Variants in NRXN1 observed in about 807,000 individuals in gnomAD.
NRXN1 encodes neurexin-1.
A neutral mutation model predicts 150.9 loss-of-function variants in NRXN1; 39 were observed. That is an observed-to-expected ratio of 0.26 (90% confidence interval 0.20 to 0.34). The LOEUF (loss-of-function observed/expected upper bound fraction) is 0.34. Ranked by LOEUF, NRXN1 falls within the 10% of genes least tolerant of loss-of-function variation. The probability of loss-of-function intolerance (pLI) is 1.00; values close to 1 mark genes in which losing one functional copy is unlikely to be tolerated. For missense variants in NRXN1, 1,815 were observed against 1,949.9 expected (o/e 0.93, Z 1.30); for synonymous variants, 924 against 757.0 (o/e 1.22, Z -3.62).
chr2:50,821,371 G>A (rs1351452390), intron 5 of NRXN1, among the ~76,000 whole-genome samples: 3 of 152,094 alleles, frequency 2.0e-5, no homozygotes, highest in Non-Finnish European at 4.4e-5. Context: ...TGTGGTGAAG[G>A]GAAACCAAAA....
intron 17 of NRXN1, chr2:50,312,832 A>G: frequency 2.1e-6 from 1 of 480,642 alleles, no homozygotes; most frequent in Non-Finnish European, 4.2e-6. Context: ...ACCACCCTCC[A>G]TTTCCTGATC....
At chr2:50,661,936 G>A (rs1687361478) in intron 5 of NRXN1, among the ~76,000 whole-genome samples, 1 of 152,000 alleles carries the variant, frequency 6.6e-6, no homozygotes, top group Admixed American at 6.6e-5. Context: ...GAATTGTTTG[G>A]TCTGTCCATC....
rs576740374 is a variant in NRXN1, at chr2:50,649,763, G to A, written c.833-26148C>T. ...TTACACTAGAAGGCAACTCCTTAGA[G>A]CAAGGGAATTTTGTTGACAAACTAG... On this transcript the variant is annotated intron_variant, in intron 5 of 22. Transcript: ENST00000401669. Among the ~76,000 whole-genome samples the A allele has an allele frequency of 6.9e-4, 105 of 152,132 alleles. 1 individual carries two copies. Among genetic ancestry groups the A allele is most frequent in the African/African-American group, 2.4e-3 (99 of 41,538 alleles).
At chr2:50,832,494 A>T (rs1368144982) in intron 5 of NRXN1, among the ~76,000 whole-genome samples, 1 of 152,140 alleles carries the variant, frequency 6.6e-6, no homozygotes, top group Non-Finnish European at 1.5e-5. Flanking sequence ...CTCTACTAAA[A>T]ATGTAAAAAT....
intron 10 of NRXN1, among the ~76,000 whole-genome samples, chr2:50,534,302 G>A (rs1336947611): frequency 6.6e-6 from 1 of 152,148 alleles, no homozygotes; most frequent in Admixed American, 6.6e-5. Flanking sequence ...GCAGAAGATA[G>A]GCTAGGGAAG....
Position 50,215,545 on chromosome 2 carries a change from G to C in NRXN1, c.3546+21244C>G, listed in dbSNP as rs1291237238. Reference sequence around the variant, plus strand: ...ATTGAAATCAGAAAACCTAAACTCTGATCATTGCTTATCCTTTTATTAGTC... The same window carrying C: ...ATTGAAATCAGAAAACCTAAACTCTCATCATTGCTTATCCTTTTATTAGTC... On this transcript the variant is annotated intron_variant, in intron 18 of 22. Transcript: ENST00000401669. Among the ~76,000 whole-genome samples, 3 of 151,870 alleles carry C rather than the reference G, an allele frequency of 2.0e-5. No homozygotes were observed. The South Asian group carries it at 6.2e-4, about 32-fold the overall frequency.
intron 5 of NRXN1, among the ~76,000 whole-genome samples, chr2:50,747,129 G>A (rs1224881663): frequency 1.3e-5 from 2 of 152,100 alleles, no homozygotes; most frequent in Non-Finnish European, 2.9e-5. Context: ...GCATTAGAGG[G>A]TGGGGCTTAG....
At chr2:50,365,109 C>A (rs1304937869) in intron 17 of NRXN1, among the ~76,000 whole-genome samples, 2 of 151,030 alleles carry the variant, frequency 1.3e-5, no homozygotes, top group Non-Finnish European at 3.0e-5. Context: ...ATACATGAAG[C>A]TTTTTTTTTC....
chr2:50,526,506 T>G (rs1425220082), intron 12 of NRXN1, among the ~76,000 whole-genome samples: 1 of 152,200 alleles, frequency 6.6e-6, no homozygotes, highest in Non-Finnish European at 1.5e-5. Flanking sequence ...ATATTGTTAA[T>G]TTAGTTTTTA....
At chr2:50,052,736 T>C (rs1573624238) in intron 21 of NRXN1, among the ~76,000 whole-genome samples, 1 of 152,170 alleles carries the variant, frequency 6.6e-6, no homozygotes, top group Non-Finnish European at 1.5e-5. Context: ...AATAGAATGT[T>C]TTTTTATTTT....
At chr2:50,110,004 TAACACAAGTC>T (rs969252994) in intron 18 of NRXN1, among the ~76,000 whole-genome samples, 2 of 152,186 alleles carry the variant, frequency 1.3e-5, no homozygotes, top group African/African-American at 4.8e-5. Context: ...TTGAAATTGT[TAACACAAGTC>T]TATGTTTACT....
intron 5 of NRXN1, among the ~76,000 whole-genome samples, chr2:50,721,652 G>GA (rs1205174807): frequency 1.3e-5 from 2 of 152,120 alleles, no homozygotes; most frequent in South Asian, 2.1e-4. Flanking sequence ...TAAGTAAAGT[G>GA]AAAATTAAAG....
Position 50,118,342 on chromosome 2 carries a change from T to C in NRXN1, c.3547-26848A>G, listed in dbSNP as rs534352944. 3.3e-5 allele frequency among the ~76,000 whole-genome samples: 5 copies of C among 152,248 alleles called. No homozygotes were observed. In the East Asian group the frequency reaches 9.6e-4, roughly 29 times the overall value. On this transcript the variant is annotated intron_variant, in intron 18 of 22. Transcript: ENST00000401669. ...CAGGTTAACACCTTAAGTAGCAAGG[T>C]TATAATGTATGGGGAAGATTCGTGG...
chr2:51,018,873 G>A (rs1240727470), intron 2 of NRXN1, among the ~76,000 whole-genome samples: 1 of 152,024 alleles, frequency 6.6e-6, no homozygotes, highest in Non-Finnish European at 1.5e-5. Flanking sequence ...TTTACTGCTG[G>A]TTATGATAGA....
intron 18 of NRXN1, among the ~76,000 whole-genome samples, chr2:50,122,827 C>A (rs937810414): frequency 5.3e-5 from 8 of 152,248 alleles, no homozygotes; most frequent in Non-Finnish European, 1.0e-4. Flanking sequence ...ATGCGATTCC[C>A]AGCTTTCAAT....
intron 18 of NRXN1, among the ~76,000 whole-genome samples, chr2:50,161,660 T>G (rs1473791513): frequency 6.6e-6 from 1 of 152,194 alleles, no homozygotes; most frequent in Admixed American, 6.6e-5. Flanking sequence ...TCCATAATAA[T>G]TTTGATTTAT....
At chr2:50,309,527 C>G (rs1391131286) in intron 17 of NRXN1, among the ~76,000 whole-genome samples, 1 of 152,138 alleles carries the variant, frequency 6.6e-6, no homozygotes, top group Non-Finnish European at 1.5e-5. Flanking sequence ...CCCTGTATGT[C>G]ATAAATCCCA....
chr2:49,965,485 C>G (rs1254126386), intron 21 of NRXN1, among the ~76,000 whole-genome samples: 1 of 152,144 alleles, frequency 6.6e-6, no homozygotes, highest in East Asian at 1.9e-4. Flanking sequence ...CCAGGCTGGT[C>G]TCGAACTCCT....
intron 18 of NRXN1, among the ~76,000 whole-genome samples, chr2:50,203,226 A>G (rs2152835626): frequency 6.6e-6 from 1 of 152,300 alleles, no homozygotes; most frequent in South Asian, 2.1e-4. Context: ...TCAAAGAGGA[A>G]TAGCTATTTT....
Sources: allele counts gnomAD v4.1 joint callset (sites outside exome capture counted in the v4.1 genomes callset), GRCh38; gene constraint gnomAD v4.1.1; transcripts MANE v1.5; gene names NCBI Gene and HGNC (gene_info 2026-07-23, HGNC 2026-07-21).